CSMD1: variants seen among roughly 807,000 people sequenced by gnomAD.
CSMD1 encodes CUB and sushi domain-containing protein 1.
Under a neutral mutation model 417.5 loss-of-function variants are expected in CSMD1, and 213 were observed. That is an observed-to-expected ratio of 0.51 (90% CI 0.46 to 0.57). The LOEUF is 0.57. Among genes scored for constraint, CSMD1 ranks in the 20% least tolerant of loss-of-function variants. CSMD1 has a pLI of 0.00. For missense variants in CSMD1, 6,923 were observed against 4,529.7 expected, an observed-to-expected ratio of 1.53 and a Z score of -15.17; for synonymous variants, 2,862 against 1,736.8, an observed-to-expected ratio of 1.65 and a Z score of -16.11.
intron 3 of CSMD1, among the ~76,000 whole-genome samples, chr8:4,353,790 C>G (rs974480174): frequency 1.3e-5 from 2 of 152,102 alleles, no homozygotes; most frequent in East Asian, 1.9e-4. Context: ...TATTTGCTGG[C>G]TTATAAATGG....
intron 4 of CSMD1, among the ~76,000 whole-genome samples, chr8:4,022,783 C>T (rs1796854840): frequency 6.6e-6 from 1 of 152,066 alleles, no homozygotes; most frequent in Admixed American, 6.6e-5. Context: ...AATTGTATTC[C>T]ACATATTAAG....
At chr8:4,811,576 C>G (rs964572549) in intron 1 of CSMD1, among the ~76,000 whole-genome samples, 1 of 152,046 alleles carries the variant, frequency 6.6e-6, no homozygotes, top group Non-Finnish European at 1.5e-5. Context: ...ACATGTGAGG[C>G]TCATCCTTTG....
In CSMD1 at chr8:4,937,208, G is replaced by T. The variant is rs1459049519; in HGVS notation, c.85+57124C>A. On this transcript the variant is annotated intron_variant, in intron 1 of 69. Coordinates refer to ENST00000635120, the MANE Select transcript of CSMD1 (RefSeq NM_033225.6). ...AGCCTGAGCAACAGAGCCAGGCCCTGTCTCAAAATAAATAAATAAATAAAA... is the reference window on the plus strand; with the variant it reads ...AGCCTGAGCAACAGAGCCAGGCCCTTTCTCAAAATAAATAAATAAATAAAA... 2.7e-5 allele frequency among the ~76,000 whole-genome samples: 4 copies of T among 145,878 alleles called. 1 individual carries two copies. Among genetic ancestry groups the T allele is most frequent in the African/African-American group, 1.0e-4 (4 of 39,884 alleles).
At chr8:4,010,210 C>T (rs948516308) in intron 4 of CSMD1, among the ~76,000 whole-genome samples, 1 of 152,080 alleles carries the variant, frequency 6.6e-6, no homozygotes, top group African/African-American at 2.4e-5. Context: ...CAGACTGTGC[C>T]CACCCACATG....
chr8:3,615,090 T>G (rs375617781), intron 8 of CSMD1, among the ~76,000 whole-genome samples: 2 of 152,206 alleles, frequency 1.3e-5, no homozygotes, highest in African/African-American at 4.8e-5. Context: ...TGTTTTCTAA[T>G]ATGATACTGG....
At chr8:3,259,836 A>G (rs1170424460) in intron 26 of CSMD1, among the ~76,000 whole-genome samples, 1 of 142,846 alleles carries the variant, frequency 7.0e-6, no homozygotes, top group African/African-American at 2.6e-5. Context: ...ATGGTTTTAC[A>G]TTTTTTAAAT....
chr8:3,926,082 TACACACACACACAC>T lies in CSMD1; in HGVS notation c.818+71807_818+71820del, dbSNP rs58966907. On this transcript the variant is annotated intron_variant, in intron 5 of 69. Coordinates refer to ENST00000635120, the MANE Select transcript of CSMD1 (RefSeq NM_033225.6). ...CACACACACACACACACAAACACCA[TACACACACACACAC>T]ACACACACACACACACACACACACA... is the stretch of plus-strand genomic sequence containing the variant. Among the ~76,000 whole-genome samples, 872 of 103,946 alleles carry T rather than the reference TACACACACACACAC, an allele frequency of 8.4e-3. 28 individuals carry two copies. The highest frequency in any genetic ancestry group is 0.029 in the Middle Eastern group (6 of 208). 68.2% of individuals were successfully genotyped at this position (103,946 alleles called of 152,430 possible). A position where few individuals can be genotyped will look rare whatever the true frequency, so the allele number is the denominator to read the frequency against.
At chr8:3,626,584 A>G (rs1385901354) in intron 7 of CSMD1, among the ~76,000 whole-genome samples, 1 of 151,612 alleles carries the variant, frequency 6.6e-6, no homozygotes, top group Non-Finnish European at 1.5e-5. Flanking sequence ...CATTCCCTAG[A>G]TTTAGAAAAC....
intron 2 of CSMD1, among the ~76,000 whole-genome samples, chr8:4,430,965 C>T (rs1797838731): frequency 3.3e-5 from 5 of 152,104 alleles, no homozygotes; most frequent in Admixed American, 3.3e-4. Flanking sequence ...ATCAAGATGT[C>T]CTTTCAATCT....
intron 11 of CSMD1, among the ~76,000 whole-genome samples, chr8:3,478,850 A>G (rs891828524): frequency 4.6e-5 from 7 of 152,196 alleles, no homozygotes; most frequent in African/African-American, 9.7e-5. Context: ...GGATGCAGCT[A>G]TATAAATGAT....
chr8:3,362,241 C>A (rs1809236341), intron 20 of CSMD1, among the ~76,000 whole-genome samples: 1 of 152,164 alleles, frequency 6.6e-6, no homozygotes, highest in Non-Finnish European at 1.5e-5. Flanking sequence ...ATCATTAGCA[C>A]AAATTTTTCA....
intron 7 of CSMD1, among the ~76,000 whole-genome samples, chr8:3,636,972 TTG>T (rs1797082443): frequency 6.6e-6 from 1 of 152,106 alleles, no homozygotes; most frequent in Admixed American, 6.6e-5. Flanking sequence ...AAATGCGAAT[TTG>T]TCTCTCTCTC....
intron 3 of CSMD1, among the ~76,000 whole-genome samples, chr8:4,062,710 A>G (rs903102252): frequency 1.3e-5 from 2 of 151,220 alleles, no homozygotes; most frequent in African/African-American, 4.9e-5. Context: ...CACTGTCATT[A>G]TTCCTGATCA....
At chr8:3,025,912 A>T (rs1465094078) in intron 51 of CSMD1, among the ~76,000 whole-genome samples, 1 of 152,196 alleles carries the variant, frequency 6.6e-6, no homozygotes, top group East Asian at 1.9e-4. Flanking sequence ...TTTTAAAATA[A>T]TAATAGTTTT....
intron 3 of CSMD1, among the ~76,000 whole-genome samples, chr8:4,177,747 T>C (rs1157892430): frequency 6.6e-6 from 1 of 150,812 alleles, no homozygotes; most frequent in Non-Finnish European, 1.5e-5. Flanking sequence ...ATAAAGGGGA[T>C]ATCACCACCG....
chr8:4,037,151 T>C (rs1293362570), intron 3 of CSMD1, among the ~76,000 whole-genome samples: 1 of 152,252 alleles, frequency 6.6e-6, no homozygotes, highest in Non-Finnish European at 1.5e-5. Flanking sequence ...AATGTAGAGC[T>C]CACATGTGTG....
chr8:3,280,371 A>G (rs181704100), intron 26 of CSMD1, among the ~76,000 whole-genome samples: 135 of 152,348 alleles, frequency 8.9e-4, no homozygotes, highest in African/African-American at 3.2e-3. Context: ...AGAGGTCAAG[A>G]TAGAAACTCA....
intron 3 of CSMD1, among the ~76,000 whole-genome samples, chr8:4,161,327 A>G (rs1464305893): frequency 6.6e-6 from 1 of 152,238 alleles, no homozygotes; most frequent in East Asian, 1.9e-4. Flanking sequence ...TGACAGAATT[A>G]GGGCTAAAAT....
intron 25 of CSMD1, 55 bp downstream of exon 25, chr8:3,307,640 G>A (rs1180335087): frequency 6.4e-7 from 1 of 1,561,994 alleles, no homozygotes; most frequent in Non-Finnish European, 8.8e-7. Flanking sequence ...TCTGCTACAA[G>A]AATAGAAGGC....
Sources: gnomAD v4.1 joint callset for allele counts (sites outside exome capture counted in the v4.1 genomes callset) on GRCh38, gnomAD v4.1.1 for gene constraint, MANE v1.5 for transcripts, NCBI Gene and HGNC (gene_info 2026-07-23, HGNC 2026-07-21) for gene names.